TBCCD1: variants seen among roughly 807,000 people sequenced by gnomAD.
The protein encoded by TBCCD1 is TBCC domain-containing protein 1.
A neutral mutation model predicts 53.4 loss-of-function variants in TBCCD1; 26 were observed. That is an observed-to-expected ratio of 0.49 (90% confidence interval 0.36 to 0.68). The LOEUF is 0.68. Ranked by LOEUF, TBCCD1 falls within the 30% of genes least tolerant of loss-of-function variation. The probability of loss-of-function intolerance (pLI) is 0.00; values close to 1 mark genes in which losing one functional copy is unlikely to be tolerated. For missense variants in TBCCD1, 558 were observed against 669.5 expected (o/e 0.83, Z 1.84); for synonymous variants, 245 against 241.7 (o/e 1.01, Z -0.13).
Position 186,564,260 on chromosome 3 carries a change from G to C in TBCCD1, c.70C>G (p.Pro24Ala), listed in dbSNP as rs768675828. The C allele has an allele frequency of 5.0e-6, 8 of 1,614,038 alleles. No homozygotes were observed. Among genetic ancestry groups the C allele is most frequent in the Admixed American group, 3.3e-5 (2 of 59,996 alleles). Residue 24 changes from proline to alanine, a missense_variant, in exon 2 of 8, where the codon CCT becomes GCT. By Grantham distance (27) the Pro-to-Ala change is conservative. Transcript: ENST00000338733. The part of the protein sequence containing the change: ...PFIVGALQVP[P>A]PSKFSLHYLR... Reference sequence around the variant, plus strand: ...TAGTGAAGACTAAACTTGGATGGAGGGGGGACCTGCAAGGCACCCACTATA... The same window carrying C: ...TAGTGAAGACTAAACTTGGATGGAGCGGGGACCTGCAAGGCACCCACTATA...
upstream of TBCCD1, among the ~76,000 whole-genome samples, chr3:186,567,788 A>G (rs1714882735): frequency 6.6e-6 from 1 of 152,184 alleles, no homozygotes; most frequent in Non-Finnish European, 1.5e-5. Context: ...AAATAACACA[A>G]CCCTAAGGTC....
chr3:186,562,279 A>G (rs1273109026), intron 2 of TBCCD1, among the ~76,000 whole-genome samples: 2 of 152,248 alleles, frequency 1.3e-5, no homozygotes, highest in Admixed American at 6.5e-5. Context: ...CAGAAATTCC[A>G]GGCTATAGTG....
chr3:186,556,330 A>G, intron 4 of TBCCD1, 79 bp downstream of exon 4: 1 of 1,497,562 alleles, frequency 6.7e-7, no homozygotes. Flanking sequence ...AGAAGACACG[A>G]GATCACTAAT....
At chr3:186,566,490 C>G (rs1377905831) in intron 1 of TBCCD1, among the ~76,000 whole-genome samples, 5 of 152,236 alleles carry the variant, frequency 3.3e-5, no homozygotes, top group African/African-American at 4.8e-5. Flanking sequence ...GTACTTAAGA[C>G]TGTACACATT....
rs771150956 is a variant in TBCCD1, at chr3:186,554,506, G to C, written c.1292C>G (p.Ala431Gly). The C allele has an allele frequency of 1.2e-6, 2 of 1,614,238 alleles. No individual in the cohort carries two copies. Among genetic ancestry groups the C allele is most frequent in the Non-Finnish European group, 1.7e-6 (2 of 1,180,042 alleles). Residue 431 changes from alanine to glycine, a missense_variant, in exon 6 of 8, where the codon GCC becomes GGC. By Grantham distance (60) the Ala-to-Gly change is moderately conservative (BLOSUM62 0). Transcript: ENST00000338733. ...AGGCACTGTAGCAAGGCCAGTCCTG[G>C]CCATATGGTCCTCTAGCATTGGGTA... ...THYPMLEDHM[A>G]RTGLATVPNY...
At chr3:186,556,912 G>A (rs1005433900) in intron 3 of TBCCD1, 137 bp from the exon 4 acceptor site, 25 of 1,110,458 alleles carry the variant, frequency 2.3e-5, no homozygotes, top group Non-Finnish European at 2.9e-5. Flanking sequence ...ACCTTATAAA[G>A]GTGATCCGCC....
intron 2 of TBCCD1, among the ~76,000 whole-genome samples, chr3:186,563,277 T>C (rs1361763992): frequency 6.6e-6 from 1 of 152,272 alleles, no homozygotes; most frequent in African/African-American, 2.4e-5. Flanking sequence ...ACTTGATTAA[T>C]ATACTTTCTC....
rs768287375 is a variant in TBCCD1, at chr3:186,556,559, G to A, written c.709C>T (p.Pro237Ser). The A allele has an allele frequency of 1.2e-6, 2 of 1,614,090 alleles. No individual in the cohort carries two copies. Among genetic ancestry groups the A allele is most frequent in the South Asian group, 2.2e-5 (2 of 91,054 alleles). The change falls in exon 4 of 8, where the codon CCA becomes TCA. Residue 237 changes from proline (P) to serine (S), a missense_variant. Transcript: ENST00000338733. ...GAGAAGCCACTATCTGCATGCAGTG[G>A]TTGCCACAGTGCAAGTTCATGAAGT... is the stretch of plus-strand genomic sequence containing the variant. ...YPLHELALWQ[P>S]LHADSGFSKI...
upstream of TBCCD1, among the ~76,000 whole-genome samples, chr3:186,567,747 CTGA>C (rs1714882089): frequency 6.6e-6 from 1 of 152,210 alleles, no homozygotes; most frequent in Non-Finnish European, 1.5e-5. Flanking sequence ...ATTCGTTTTA[CTGA>C]TGAAGAAACT....
rs1578975672 is a variant in TBCCD1 at position 186,564,352 on chromosome 3, T to C, written c.-23A>G. 6.4e-7 allele frequency: 1 copy of C among 1,560,466 alleles called. No homozygotes were observed. Among genetic ancestry groups the C allele is most frequent in the African/African-American group, 1.4e-5 (1 of 72,792 alleles). ...CATATTATCTCTAAGGACATCAGGG[T>C]GAAAAGGCTTCTTTGCATACCTAGG... On this transcript the variant is annotated 5_prime_UTR_variant, in exon 2 of 8. Transcript: ENST00000338733.
At position 186,561,325 on chromosome 3, in the gene TBCCD1, A is replaced by G. The variant is rs566435807; in HGVS notation, c.336+2669T>C. ...CAATGAAGACATACAAATGGCCAACAGGTATACGAAAAGGTGCTCAACATC... is the reference window on the plus strand; with the variant it reads ...CAATGAAGACATACAAATGGCCAACGGGTATACGAAAAGGTGCTCAACATC... On this transcript the variant is annotated intron_variant, in intron 2 of 7. Coordinates refer to ENST00000338733, the MANE Select transcript of TBCCD1 (RefSeq NM_018138.5). 3.3e-5 allele frequency among the ~76,000 whole-genome samples: 5 copies of G among 152,362 alleles called. No individual in the cohort carries two copies. In the South Asian group the frequency reaches 1.0e-3, roughly 32 times the overall value.
At chr3:186,565,906 T>A (rs1714814668) in intron 1 of TBCCD1, among the ~76,000 whole-genome samples, 1 of 152,260 alleles carries the variant, frequency 6.6e-6, no homozygotes. Context: ...TACTTCACTG[T>A]GCACTCCTCA....
intron 1 of TBCCD1, among the ~76,000 whole-genome samples, chr3:186,565,568 C>G (rs1219319829): frequency 6.6e-6 from 1 of 152,180 alleles, no homozygotes; most frequent in Non-Finnish European, 1.5e-5. Flanking sequence ...AGACACCTTA[C>G]TAGGTTTCAG....
Position 186,556,730 on chromosome 3 carries a change from A to C in TBCCD1, c.538T>G (p.Ser180Ala), listed in dbSNP as rs747132642. 1.2e-6 allele frequency: 2 copies of C among 1,614,254 alleles called. No individual in the cohort carries two copies. The highest frequency in any genetic ancestry group is 3.3e-5 in the Admixed American group (2 of 60,030). The change falls in exon 4 of 8, where the codon TCT becomes GCT. Residue 180 changes from serine (S) to alanine (A), a missense_variant. Coordinates refer to ENST00000338733, the MANE Select transcript of TBCCD1 (RefSeq NM_018138.5). ...TCTAAAAGCAGCTCGAGGAGATCAG[A>C]CAGATGATCATAGACAAAAGCTTGG... The part of the protein sequence containing the change: ...SHQAFVYDHL[S>A]DLLELLLDPK...
At chr3:186,551,073 T>G in intron 7 of TBCCD1, 56 bp downstream of exon 7, 7 of 1,558,434 alleles carry the variant, frequency 4.5e-6, no homozygotes, top group Non-Finnish European at 6.1e-6. Context: ...GTGCCTTTTT[T>G]TTATGCTTGA....
chr3:186,554,794 T>C (rs766123979), intron 5 of TBCCD1, 43 bp from the exon 6 acceptor site: 1 of 1,591,808 alleles, frequency 6.3e-7, no homozygotes, highest in Non-Finnish European at 8.5e-7. Context: ...TGAATAAGAT[T>C]TTAAAAATTT....
chr3:186,564,197 T>C lies in TBCCD1; in HGVS notation c.133A>G (p.Thr45Ala), dbSNP rs780740851. The C allele has an allele frequency of 6.2e-7, 1 of 1,614,158 alleles. No individual in the cohort carries two copies. The highest frequency in any genetic ancestry group is 2.2e-5 in the East Asian group (1 of 44,884). ...TAGAGGCGCGGGTAAGCTCCTTCTG[T>C]GGCCCGGATTTGCACATAGGTGGAT... ...KISTYVQIRA[T>A]EGAYPRLYWS... Residue 45 changes from threonine (T) to alanine (A), a missense_variant, in exon 2 of 8, where the codon ACA (threonine) becomes GCA (alanine). Physicochemically the swap from Thr to Ala is moderately conservative, Grantham distance 58 (BLOSUM62 0). Coordinates refer to ENST00000338733, the MANE Select transcript of TBCCD1 (RefSeq NM_018138.5).
chr3:186,565,283 G>A (rs1714796895), intron 1 of TBCCD1, among the ~76,000 whole-genome samples: 1 of 151,824 alleles, frequency 6.6e-6, no homozygotes, highest in Non-Finnish European at 1.5e-5. Flanking sequence ...GCTAATTTTT[G>A]TATTTTTAGT....
chr3:186,560,537 C>T (rs915738511), intron 2 of TBCCD1, among the ~76,000 whole-genome samples: 1 of 152,148 alleles, frequency 6.6e-6, no homozygotes, highest in Non-Finnish European at 1.5e-5. Flanking sequence ...CACTTTCAAG[C>T]CTAATAATAA....
Sources: allele counts gnomAD v4.1 joint callset (sites outside exome capture counted in the v4.1 genomes callset), GRCh38; gene constraint gnomAD v4.1.1; transcripts MANE v1.5; gene names NCBI Gene and HGNC (gene_info 2026-07-23, HGNC 2026-07-21).